TEAD1: variants seen among roughly 807,000 people sequenced by gnomAD.
TEAD1 encodes transcriptional enhancer factor TEF-1.
A neutral mutation model predicts 54.9 loss-of-function variants in TEAD1; 9 were observed. The observed-to-expected ratio is 0.16, with a 90% CI of 0.10 to 0.29. The LOEUF is 0.29. Ranked by LOEUF, TEAD1 falls within the 10% of genes least tolerant of loss-of-function variation. The probability of loss-of-function intolerance (pLI) is 1.00; values close to 1 mark genes in which losing one functional copy is unlikely to be tolerated. For synonymous variants in TEAD1, 200 were observed against 187.8 expected, an observed-to-expected ratio of 1.07 and a Z score of -0.53; for missense variants, 387 against 535.9, an observed-to-expected ratio of 0.72 and a Z score of 2.74.
At position 12,676,433 on chromosome 11, in the gene TEAD1, CT is replaced by C. The variant is rs745781295; in HGVS notation, c.-55+874del. On this transcript the variant is annotated intron_variant, in intron 2 of 12. Transcript: ENST00000527636. ...CTTGCTGGTCTTCTACGGATAGGGG[CT>C]TCTCTGAGGCACAGATTGGGGAACA... Among the ~76,000 whole-genome samples the C allele has an allele frequency of 4.6e-5, 7 of 152,330 alleles. No individual in the cohort carries two copies. The South Asian group carries it at 1.0e-3, about 23-fold the overall frequency.
At chr11:12,827,105 A>T (rs1325444719) in intron 3 of TEAD1, among the ~76,000 whole-genome samples, 1 of 152,188 alleles carries the variant, frequency 6.6e-6, no homozygotes, top group Non-Finnish European at 1.5e-5. Flanking sequence ...TTCTGGATAG[A>T]ACTCAGTGGA....
chr11:12,778,579 T>C (rs932393835), intron 3 of TEAD1, among the ~76,000 whole-genome samples: 1 of 151,324 alleles, frequency 6.6e-6, no homozygotes, highest in African/African-American at 2.4e-5. Context: ...TCAGGCTCTG[T>C]TTCTGTGGGT....
At chr11:12,840,503 G>C (rs1394650135) in intron 3 of TEAD1, among the ~76,000 whole-genome samples, 1 of 152,134 alleles carries the variant, frequency 6.6e-6, no homozygotes, top group African/African-American at 2.4e-5. Context: ...GATCGTTTCT[G>C]CGTAATAGTC....
chr11:12,859,300 A>G (rs1419112573), intron 3 of TEAD1, among the ~76,000 whole-genome samples: 1 of 150,084 alleles, frequency 6.7e-6, no homozygotes, highest in Non-Finnish European at 1.5e-5. Flanking sequence ...GAAAATAAAC[A>G]AGTTTGAGGG....
intron 2 of TEAD1, among the ~76,000 whole-genome samples, chr11:12,713,589 A>G (rs1448197829): frequency 6.6e-6 from 1 of 152,234 alleles, no homozygotes; most frequent in Non-Finnish European, 1.5e-5. Context: ...GTCAGGAACC[A>G]CAGAATTTGC....
intron 9 of TEAD1, among the ~76,000 whole-genome samples, chr11:12,899,137 T>TC (rs1948374279): frequency 6.6e-6 from 1 of 152,158 alleles, no homozygotes; most frequent in Middle Eastern, 3.4e-3. Flanking sequence ...GCTCAGTGAG[T>TC]CCCTAAGGCT....
At chr11:12,775,146 C>G (rs141875013) in intron 3 of TEAD1, among the ~76,000 whole-genome samples, 1 of 152,264 alleles carries the variant, frequency 6.6e-6, no homozygotes, top group Non-Finnish European at 1.5e-5. Flanking sequence ...TTAAGCATCC[C>G]TAGTTCAGTT....
intron 5 of TEAD1, chr11:12,879,023 C>A: frequency 2.8e-6 from 2 of 705,980 alleles, no homozygotes; most frequent in South Asian, 1.7e-5. Flanking sequence ...AAGGAGAAAC[C>A]ACGTACCTGT....
chr11:12,761,671 G>C (rs1193697907), intron 2 of TEAD1, among the ~76,000 whole-genome samples: 1 of 152,120 alleles, frequency 6.6e-6, no homozygotes, highest in Non-Finnish European at 1.5e-5. Flanking sequence ...TTTCTAGTCT[G>C]GAAGACAATT....
chr11:12,786,268 C>T (rs1444730668), intron 3 of TEAD1, among the ~76,000 whole-genome samples: 2 of 152,154 alleles, frequency 1.3e-5, no homozygotes, highest in Non-Finnish European at 2.9e-5. Flanking sequence ...TCGGACTGCA[C>T]TGGCTTGTTT....
intron 2 of TEAD1, among the ~76,000 whole-genome samples, chr11:12,763,372 C>G (rs1321514573): frequency 1.3e-5 from 2 of 152,206 alleles, no homozygotes; most frequent in Non-Finnish European, 2.9e-5. Flanking sequence ...CACAGGTGTG[C>G]TAGGCACTTG....
Position 12,774,600 on chromosome 11 carries a change from T to C in TEAD1, c.202+10166T>C, listed in dbSNP as rs377623436. On this transcript the variant is annotated intron_variant, in intron 3 of 12. Transcript: ENST00000527636. ...TATACCTGTTTGTGATGTATAGTTATAGTTACATGGGCCAGCCATACAAGC... is the reference window on the plus strand; with the variant it reads ...TATACCTGTTTGTGATGTATAGTTACAGTTACATGGGCCAGCCATACAAGC... 1.2e-4 allele frequency among the ~76,000 whole-genome samples: 18 copies of C among 152,330 alleles called. No individual in the cohort carries two copies. The South Asian group carries it at 3.7e-3, about 32-fold the overall frequency.
At chr11:12,896,684 T>G (rs751722117) in intron 9 of TEAD1, among the ~76,000 whole-genome samples, 4 of 152,226 alleles carry the variant, frequency 2.6e-5, no homozygotes, top group Non-Finnish European at 5.9e-5. Context: ...GTAGAAGTGG[T>G]GTTGACTGTC....
chr11:12,728,339 G>A (rs1345885686), intron 2 of TEAD1, among the ~76,000 whole-genome samples: 3 of 152,132 alleles, frequency 2.0e-5, no homozygotes, highest in South Asian at 2.1e-4. Flanking sequence ...GGCAACATTC[G>A]ATATTAATGT....
In TEAD1 at chr11:12,810,714, C is replaced by T. The variant is rs543221565; in HGVS notation, c.202+46280C>T. 9.2e-5 allele frequency among the ~76,000 whole-genome samples: 14 copies of T among 152,314 alleles called. No homozygotes were observed. The South Asian group carries it at 2.9e-3, about 32-fold the overall frequency. On this transcript the variant is annotated intron_variant, in intron 3 of 12. Transcript: ENST00000527636. ...AGTAGGTCTTTCATGCTGACGAGCA[C>T]AGTGGCTGATGTCATTGTGGGGGAG... is the stretch of plus-strand genomic sequence containing the variant.
intron 9 of TEAD1, 108 bp from the exon 10 acceptor site, chr11:12,901,832 C>G: frequency 7.6e-7 from 1 of 1,320,382 alleles, no homozygotes; most frequent in East Asian, 2.3e-5. Context: ...GACTGGAAGG[C>G]CTAATTCCAG....
intron 3 of TEAD1, among the ~76,000 whole-genome samples, chr11:12,788,374 C>T (rs893054890): frequency 2.6e-5 from 4 of 152,024 alleles, no homozygotes; most frequent in African/African-American, 7.2e-5. Flanking sequence ...TCAGGTGATC[C>T]GCCCGCCTCG....
chr11:12,895,857 C>G (rs1037599531), intron 9 of TEAD1, among the ~76,000 whole-genome samples: 1 of 152,064 alleles, frequency 6.6e-6, no homozygotes, highest in Non-Finnish European at 1.5e-5. Context: ...ATATCTCATT[C>G]TATTAATTTT....
chr11:12,677,089 G>A (rs1943110741), intron 2 of TEAD1, among the ~76,000 whole-genome samples: 1 of 152,066 alleles, frequency 6.6e-6, no homozygotes, highest in Admixed American at 6.6e-5. Context: ...CCTCCTCTGT[G>A]TGATCCTTTA....
Sources: gnomAD v4.1 joint callset for allele counts (sites outside exome capture counted in the v4.1 genomes callset) on GRCh38, gnomAD v4.1.1 for gene constraint, MANE v1.5 for transcripts, NCBI Gene and HGNC (gene_info 2026-07-23, HGNC 2026-07-21) for gene names.